Variants in KHDRBS2 observed in about 807,000 individuals in gnomAD.
KHDRBS2 encodes the protein KH RNA binding domain containing, signal transduction associated 2.
A neutral mutation model predicts 44.3 loss-of-function variants in KHDRBS2; 26 were observed. The observed-to-expected ratio is 0.59, with a 90% confidence interval of 0.43 to 0.81. The LOEUF is 0.81. KHDRBS2 is among the 40% of genes least tolerant of loss of function. The pLI is 0.00. For missense variants in KHDRBS2, 476 were observed against 433.1 expected (o/e 1.10, Z -0.88); for synonymous variants, 194 against 151.1 (o/e 1.28, Z -2.08).
the KHDRBS2 span, among the ~76,000 whole-genome samples, chr6:61,619,488 C>A: frequency 6.6e-6 from 1 of 152,104 alleles, no homozygotes; most frequent in Non-Finnish European, 1.5e-5. Flanking sequence ...AAGTTTCACT[C>A]TTGTTGCCCA....
chr6:61,839,828 G>C (rs1381149863), intron 6 of KHDRBS2, among the ~76,000 whole-genome samples: 2 of 151,936 alleles, frequency 1.3e-5, no homozygotes, highest in East Asian at 3.9e-4. Context: ...GAAAGAAGCA[G>C]GAACAGGTAA....
chr6:61,807,971 C>T (rs543615072), intron 6 of KHDRBS2, among the ~76,000 whole-genome samples: 9 of 152,120 alleles, frequency 5.9e-5, no homozygotes, highest in Admixed American at 1.3e-4. Context: ...TGTCATGTTA[C>T]GGAGAGATCT....
At chr6:61,638,100 C>T in the KHDRBS2 span, among the ~76,000 whole-genome samples, 1 of 152,052 alleles carries the variant, frequency 6.6e-6, no homozygotes, top group Non-Finnish European at 1.5e-5. Flanking sequence ...TTTACAGATT[C>T]AATGTCTTCC....
chr6:62,083,600 C>T (rs1797839510), intron 2 of KHDRBS2, among the ~76,000 whole-genome samples: 1 of 152,098 alleles, frequency 6.6e-6, no homozygotes, highest in African/African-American at 2.4e-5. Flanking sequence ...GTTGCAGGCC[C>T]ACATGGAGTT....
the KHDRBS2 span, among the ~76,000 whole-genome samples, chr6:61,561,488 C>A: frequency 6.6e-6 from 1 of 152,130 alleles, no homozygotes; most frequent in Non-Finnish European, 1.5e-5. Flanking sequence ...GGAGCCAGGA[C>A]CTATAGTAAG....
chr6:61,564,958 G>C, the KHDRBS2 span, among the ~76,000 whole-genome samples: 2 of 151,834 alleles, frequency 1.3e-5, no homozygotes, highest in South Asian at 2.1e-4. Flanking sequence ...AGACCAATGA[G>C]ACAGAATAAA....
At chr6:61,874,550 T>C (rs567359640) in intron 6 of KHDRBS2, among the ~76,000 whole-genome samples, 1 of 152,304 alleles carries the variant, frequency 6.6e-6, no homozygotes, top group African/African-American at 2.4e-5. Flanking sequence ...CTTGGATGCT[T>C]CTTTTCGTAT....
intron 4 of KHDRBS2, among the ~76,000 whole-genome samples, chr6:61,964,764 A>G (rs1170700309): frequency 6.6e-6 from 1 of 152,098 alleles, no homozygotes; most frequent in African/African-American, 2.4e-5. Context: ...AACATAAATA[A>G]CAGATGAATG....
intron 2 of KHDRBS2, among the ~76,000 whole-genome samples, chr6:62,049,981 A>C (rs1343797129): frequency 6.6e-6 from 1 of 152,106 alleles, no homozygotes; most frequent in Admixed American, 6.6e-5. Flanking sequence ...CTATAAAGAC[A>C]CATGCACACT....
chr6:61,747,337 G>GT (rs1253599071), intron 6 of KHDRBS2, among the ~76,000 whole-genome samples: 1 of 152,148 alleles, frequency 6.6e-6, no homozygotes, highest in Non-Finnish European at 1.5e-5. Context: ...ACTTCTTGGT[G>GT]TTATGTTGGT....
chr6:61,850,539 T>C (rs2127283293), intron 6 of KHDRBS2, among the ~76,000 whole-genome samples: 1 of 152,342 alleles, frequency 6.6e-6, no homozygotes, highest in South Asian at 2.1e-4. Flanking sequence ...CTATGGTATC[T>C]GAAGAGCCTA....
At chr6:62,170,545 A>C (rs1819779743) in intron 2 of KHDRBS2, among the ~76,000 whole-genome samples, 1 of 152,100 alleles carries the variant, frequency 6.6e-6, no homozygotes, top group African/African-American at 2.4e-5. Flanking sequence ...CTTAAGTGCC[A>C]CCTACTGGAC....
intron 6 of KHDRBS2, among the ~76,000 whole-genome samples, chr6:61,893,492 A>T (rs550664854): frequency 1.3e-5 from 2 of 152,316 alleles, no homozygotes; most frequent in East Asian, 3.9e-4. Flanking sequence ...AAGACTTGGA[A>T]CCAACCCAAA....
the KHDRBS2 span, among the ~76,000 whole-genome samples, chr6:61,663,719 A>C: frequency 1.3e-5 from 2 of 150,868 alleles, no homozygotes; most frequent in African/African-American, 4.9e-5. Flanking sequence ...ACTGAAAACA[A>C]ACAGTTATAC....
At chr6:62,229,697 C>G (rs1250340396) in intron 1 of KHDRBS2, among the ~76,000 whole-genome samples, 1 of 152,144 alleles carries the variant, frequency 6.6e-6, no homozygotes, top group Non-Finnish European at 1.5e-5. Context: ...CATGTTTCCC[C>G]AAGCTGGGTA....
intron 2 of KHDRBS2, among the ~76,000 whole-genome samples, chr6:62,104,921 G>C (rs1300164409): frequency 6.6e-6 from 1 of 151,924 alleles, no homozygotes; most frequent in Non-Finnish European, 1.5e-5. Context: ...GAAAAGGAAA[G>C]ATAAAAACTA....
At chr6:61,702,920 T>A (rs9344441) in intron 7 of KHDRBS2, among the ~76,000 whole-genome samples, 62,703 of 151,536 alleles carry the variant, frequency 0.41, 13,328 homozygotes, top group Middle Eastern at 0.51. Flanking sequence ...TCAATGCAGC[T>A]AACATTATAT....
At chr6:62,128,889 A>G (rs797011422) in intron 2 of KHDRBS2, among the ~76,000 whole-genome samples, 10 of 152,056 alleles carry the variant, frequency 6.6e-5, no homozygotes, top group African/African-American at 2.2e-4. Context: ...CTGCTTATAT[A>G]CTTAACATGA....
At chr6:61,756,635 CTT>C (rs1778528432) in intron 6 of KHDRBS2, among the ~76,000 whole-genome samples, 2 of 152,152 alleles carry the variant, frequency 1.3e-5, no homozygotes, top group Admixed American at 6.6e-5. Flanking sequence ...TTGTGGAACT[CTT>C]TAGGAAATAA....
Sources: allele counts gnomAD v4.1 joint callset (sites outside exome capture counted in the v4.1 genomes callset), GRCh38; gene constraint gnomAD v4.1.1; transcripts MANE v1.5; gene names NCBI Gene and HGNC (gene_info 2026-07-23, HGNC 2026-07-21).